The following ADK variants were observed in gnomAD, a reference collection of about 807,000 sequenced individuals.
ADK encodes the protein adenosine kinase, also known as N6,N6-dimethyladenosine kinase.
A neutral mutation model predicts 44.7 loss-of-function variants in ADK; 24 were observed. The observed-to-expected ratio is 0.54, with a 90% CI of 0.39 to 0.76. The LOEUF is 0.76. Ranked by LOEUF, ADK falls within the 30% of genes least tolerant of loss-of-function variation. The pLI is 0.00. For missense variants in ADK, 321 were observed against 425.1 expected (o/e 0.76, Z 2.15); for synonymous variants, 128 against 142.6 (o/e 0.90, Z 0.73).
chr10:74,306,986 C>T (rs1347208624), intron 3 of ADK, among the ~76,000 whole-genome samples: 1 of 152,176 alleles, frequency 6.6e-6, no homozygotes, highest in Non-Finnish European at 1.5e-5. Context: ...TATGTAATTG[C>T]TAAAATCCCT....
In ADK at chr10:74,532,249, A is replaced by G. The variant is rs547808209; in HGVS notation, c.726+6823A>G. 5.9e-5 allele frequency among the ~76,000 whole-genome samples: 9 copies of G among 151,832 alleles called. No homozygotes were observed. In the East Asian group the frequency reaches 1.2e-3, roughly 20 times the overall value. On this transcript the variant is annotated intron_variant, in intron 7 of 10. Coordinates refer to ENST00000539909, the MANE Select transcript of ADK (RefSeq NM_006721.4). ...ATGGTGGCTCATGCCTGCAATCCCA[A>G]TAGGGATTGGTGAGGGTCAGGAGTT...
At chr10:74,534,629 T>A (rs1411969311) in intron 7 of ADK, among the ~76,000 whole-genome samples, 1 of 152,228 alleles carries the variant, frequency 6.6e-6, no homozygotes, top group Non-Finnish European at 1.5e-5. Context: ...TTCTAATGCA[T>A]GTAAAGTTTC....
chr10:74,658,590 C>T (rs1854579377), intron 9 of ADK, among the ~76,000 whole-genome samples: 1 of 152,074 alleles, frequency 6.6e-6, no homozygotes, highest in Non-Finnish European at 1.5e-5. Flanking sequence ...CACGCACCCC[C>T]ATGCCCGGCT....
chr10:74,207,146 C>T (rs564293175), intron 2 of ADK, among the ~76,000 whole-genome samples: 25 of 152,272 alleles, frequency 1.6e-4, no homozygotes, highest in African/African-American at 3.8e-4. Flanking sequence ...TGCAAGCTTG[C>T]GGCTGGATCT....
rs57106986 is a variant in ADK, at chr10:74,424,535, C to CAAAAAAAA, written c.555+25982_555+25989dup. ...GGGCAACAAGAGCAAAACTCCGTCT[C>CAAAAAAAA]AAAAAAAAAAAAAAAAAAAAAAAAA... On this transcript the variant is annotated intron_variant, in intron 6 of 10. Transcript: ENST00000539909. Among the ~76,000 whole-genome samples the CAAAAAAAA allele has an allele frequency of 6.7e-4, 39 of 58,458 alleles. 3 individuals carry two copies. The highest frequency in any genetic ancestry group is 1.7e-3 in the African/African-American group (24 of 13,734). The allele number at this position is 58,458 out of a possible 152,430, so 38.4% of individuals were successfully genotyped here. A position where few individuals can be genotyped will look rare whatever the true frequency, so the allele number is the denominator to read the frequency against.
At chr10:74,341,871 G>A (rs942273968) in intron 4 of ADK, among the ~76,000 whole-genome samples, 7 of 152,134 alleles carry the variant, frequency 4.6e-5, no homozygotes, top group African/African-American at 1.7e-4. Flanking sequence ...TTATTGCTAT[G>A]TGTGTATTTT....
intron 1 of ADK, among the ~76,000 whole-genome samples, chr10:74,154,005 G>T (rs1038177190): frequency 1.3e-5 from 2 of 152,238 alleles, no homozygotes; most frequent in Non-Finnish European, 2.9e-5. Flanking sequence ...AAATAAGTGG[G>T]GTTTGGGAAA....
intron 2 of ADK, among the ~76,000 whole-genome samples, chr10:74,214,068 C>T (rs1439683995): frequency 3.3e-5 from 5 of 152,120 alleles, no homozygotes; most frequent in Non-Finnish European, 7.4e-5. Flanking sequence ...TTTCAGCTTT[C>T]TCTAATTGAG....
At chr10:74,551,154 G>A (rs1046425675) in intron 7 of ADK, among the ~76,000 whole-genome samples, 75 of 152,302 alleles carry the variant, frequency 4.9e-4, no homozygotes, top group African/African-American at 1.8e-3. Context: ...TACAGTTACA[G>A]CAAAGATGCC....
At chr10:74,493,114 A>C (rs1256544722) in intron 6 of ADK, among the ~76,000 whole-genome samples, 1 of 152,118 alleles carries the variant, frequency 6.6e-6, no homozygotes, top group Non-Finnish European at 1.5e-5. Flanking sequence ...AATGAACCTA[A>C]TTGATGTAAA....
At chr10:74,321,403 C>T (rs1592043766) in intron 4 of ADK, among the ~76,000 whole-genome samples, 1 of 152,048 alleles carries the variant, frequency 6.6e-6, no homozygotes, top group East Asian at 1.9e-4. Context: ...CCTGCCTCAG[C>T]CTCCTGAGTA....
In ADK at chr10:74,273,750, G is replaced by A. The variant is rs556895448; in HGVS notation, c.195-40917G>A. Among the ~76,000 whole-genome samples, 9 of 152,182 alleles carry A rather than the reference G, an allele frequency of 5.9e-5. No homozygotes were observed. In the East Asian group the frequency reaches 7.7e-4, roughly 13 times the overall value. ...TGGGATTACAGGCGTGAGCCACTGC[G>A]CCCGGCCTCTCCCCGAATTTCTTTC... On this transcript the variant is annotated intron_variant, in intron 3 of 10. Coordinates refer to ENST00000539909, the MANE Select transcript of ADK (RefSeq NM_006721.4).
Position 74,426,781 on chromosome 10 carries a change from C to CT in ADK, c.555+28202_555+28203insT, listed in dbSNP as rs1564715490. ...TGTAAACAAACAAGTGAACTTAATTCATTTTTTTTTCTTATTTTTTTATTA... is the reference window on the plus strand; with the variant it reads ...TGTAAACAAACAAGTGAACTTAATTCTATTTTTTTTTCTTATTTTTTTATTA... On this transcript the variant is annotated intron_variant, in intron 6 of 10. Coordinates refer to ENST00000539909, the MANE Select transcript of ADK (RefSeq NM_006721.4). 2.6e-5 allele frequency among the ~76,000 whole-genome samples: 4 copies of CT among 151,516 alleles called. No homozygotes were observed. The East Asian group carries it at 7.7e-4, about 29-fold the overall frequency.
intron 1 of ADK, among the ~76,000 whole-genome samples, chr10:74,198,273 G>A (rs149624507): frequency 5.3e-5 from 8 of 152,216 alleles, no homozygotes; most frequent in African/African-American, 1.7e-4. Context: ...TTTTTTATTA[G>A]ACTTGCTTTG....
chr10:74,618,873 A>G (rs1372723434), intron 9 of ADK, among the ~76,000 whole-genome samples: 1 of 151,970 alleles, frequency 6.6e-6, no homozygotes, highest in Non-Finnish European at 1.5e-5. Flanking sequence ...TGCTTCTTGA[A>G]TCTGTGATTG....
intron 2 of ADK, among the ~76,000 whole-genome samples, chr10:74,222,755 A>G (rs1039864031): frequency 5.9e-5 from 9 of 151,750 alleles, no homozygotes; most frequent in Non-Finnish European, 7.4e-5. Context: ...GTAAACTATC[A>G]CAAGAACAAA....
At chr10:74,587,525 C>A (rs969284209) in intron 7 of ADK, among the ~76,000 whole-genome samples, 1 of 152,156 alleles carries the variant, frequency 6.6e-6, no homozygotes, top group African/African-American at 2.4e-5. Context: ...TAGGTGCATA[C>A]ATGTATTTTT....
intron 3 of ADK, among the ~76,000 whole-genome samples, chr10:74,267,754 T>TTTTTTGTGTGTGTG (rs1554835954): frequency 3.0e-5 from 4 of 132,734 alleles, no homozygotes; most frequent in Non-Finnish European, 6.4e-5. Flanking sequence ...ATATCCTTAT[T>TTTTTTGTGTGTGTG]TGTGTGTGTG....
At chr10:74,222,513 G>A (rs545935648) in intron 2 of ADK, among the ~76,000 whole-genome samples, 5,705 of 151,798 alleles carry the variant, frequency 0.038, 396 homozygotes, top group African/African-American at 0.13. Context: ...ATTACTGGGT[G>A]TATACCCAAA....
Sources: gnomAD v4.1 joint callset for allele counts (sites outside exome capture counted in the v4.1 genomes callset) on GRCh38, gnomAD v4.1.1 for gene constraint, MANE v1.5 for transcripts, NCBI Gene and HGNC (gene_info 2026-07-23, HGNC 2026-07-21) for gene names.